Variants in ARHGAP31 observed in about 807,000 individuals in gnomAD.
The protein encoded by ARHGAP31 is rho GTPase-activating protein 31.
ARHGAP31 carries 34 observed loss-of-function variants against 113.9 expected under a neutral mutation model. That is an observed-to-expected ratio of 0.30 (90% CI 0.23 to 0.40). The LOEUF (loss-of-function observed/expected upper bound fraction) is 0.40. Ranked by LOEUF, ARHGAP31 falls within the 10% of genes least tolerant of loss-of-function variation. The pLI is 1.00. For missense variants in ARHGAP31, 1,548 were observed against 1,767.1 expected (o/e 0.88, Z 2.22); for synonymous variants, 650 against 684.8 (o/e 0.95, Z 0.79).
At chr3:119,329,872 T>G (rs998394587) in intron 1 of ARHGAP31, 1 of 985,376 alleles carries the variant, frequency 1.0e-6, no homozygotes, top group African/African-American at 1.7e-5. Context: ...AGCCTCATTG[T>G]GTGAGTCCTC....
At position 119,388,804 on chromosome 3, in the gene ARHGAP31, C is replaced by A. The variant is rs113755394; in HGVS notation, c.683-1981C>A. Among the ~76,000 whole-genome samples the A allele has an allele frequency of 1.4e-3, 212 of 152,216 alleles. 3 individuals are homozygous for A. The highest frequency in any genetic ancestry group is 5.0e-3 in the African/African-American group (206 of 41,528). On this transcript the variant is annotated intron_variant, in intron 6 of 11. Transcript: ENST00000264245. ...GACACAAAGAAGATGAGAGGAGGTA[C>A]CACAGTAGAGCAGAGGAGCACAGAT...
At chr3:119,354,538 G>A (rs1020060974) in intron 1 of ARHGAP31, among the ~76,000 whole-genome samples, 18 of 150,718 alleles carry the variant, frequency 1.2e-4, no homozygotes, top group African/African-American at 3.9e-4. Flanking sequence ...GCAGAGTTTC[G>A]CCCTTGTTGC....
intron 1 of ARHGAP31, among the ~76,000 whole-genome samples, chr3:119,333,753 C>T (rs369149362): frequency 3.7e-4 from 56 of 152,310 alleles, no homozygotes; most frequent in Non-Finnish European, 2.1e-4. Context: ...CGACTCTCAC[C>T]GTTTTATTCC....
intron 6 of ARHGAP31, 139 bp downstream of exon 6, chr3:119,383,365 G>A: frequency 8.8e-7 from 1 of 1,133,542 alleles, no homozygotes; most frequent in East Asian, 2.4e-5. Flanking sequence ...CTGTGTGTCA[G>A]TGTCTGAGGA....
At chr3:119,298,870 T>A in intron 1 of ARHGAP31, 1 of 226,536 alleles carries the variant, frequency 4.4e-6, no homozygotes, top group South Asian at 7.2e-5. Context: ...AAGTTGTATG[T>A]AAAGCTACAT....
At position 119,294,752 on chromosome 3, in the gene ARHGAP31, A is replaced by G; in HGVS notation, c.-153A>G. ...TGCCGGCCCGCGGCCCGCGGGGTCC[A>G]TGCGCAGGGCCCCCAGCCCAAGTTC... On this transcript the variant is annotated 5_prime_UTR_variant, in exon 1 of 12. An upstream start codon of the reference 5' UTR is lost. Transcript: ENST00000264245. 2 of 733,690 alleles carry G rather than the reference A, an allele frequency of 2.7e-6. No homozygotes were observed. Among genetic ancestry groups the G allele is most frequent in the Non-Finnish European group, 4.7e-6 (2 of 422,452 alleles). The allele number at this position is 733,690 out of a possible 1,614,324, so 45.4% of individuals were successfully genotyped here.
chr3:119,388,603 C>A (rs1267658371), intron 6 of ARHGAP31, among the ~76,000 whole-genome samples: 1 of 152,052 alleles, frequency 6.6e-6, no homozygotes, highest in South Asian at 2.1e-4. Flanking sequence ...CTACCAGCAT[C>A]TTAGCAGTGG....
intron 1 of ARHGAP31, among the ~76,000 whole-genome samples, chr3:119,339,595 C>T (rs979066881): frequency 1.4e-4 from 22 of 152,010 alleles, no homozygotes; most frequent in Non-Finnish European, 2.6e-4. Flanking sequence ...TAACTCCCTC[C>T]GACCCGCCGC....
At chr3:119,306,576 G>A (rs918199102) in intron 1 of ARHGAP31, among the ~76,000 whole-genome samples, 2 of 152,224 alleles carry the variant, frequency 1.3e-5, no homozygotes, top group Admixed American at 6.5e-5. Flanking sequence ...GTTTTCAAAC[G>A]GGTATTTGCA....
chr3:119,349,772 G>A (rs1468155731), intron 1 of ARHGAP31, among the ~76,000 whole-genome samples: 1 of 152,166 alleles, frequency 6.6e-6, no homozygotes, highest in African/African-American at 2.4e-5. Context: ...GTAGTCCTGA[G>A]AATTTGCAGG....
At chr3:119,372,826 T>C (rs1481385723) in intron 3 of ARHGAP31, among the ~76,000 whole-genome samples, 1 of 152,212 alleles carries the variant, frequency 6.6e-6, no homozygotes, top group Non-Finnish European at 1.5e-5. Flanking sequence ...GACTCTTGCC[T>C]GGGGTGGTAC....
chr3:119,401,703 C>A, intron 9 of ARHGAP31, 119 bp from the exon 10 acceptor site: 1 of 922,520 alleles, frequency 1.1e-6, no homozygotes, highest in South Asian at 1.4e-5. Flanking sequence ...GGCGGTTATG[C>A]CCCTGTTAGA....
At chr3:119,356,534 G>A (rs2080158726) in intron 1 of ARHGAP31, among the ~76,000 whole-genome samples, 1 of 152,000 alleles carries the variant, frequency 6.6e-6, no homozygotes, top group Non-Finnish European at 1.5e-5. Context: ...AGGAGGCTAA[G>A]GCAGGAGAAT....
chr3:119,358,956 G>C (rs1451854960), intron 1 of ARHGAP31, among the ~76,000 whole-genome samples: 1 of 151,876 alleles, frequency 6.6e-6, no homozygotes, highest in Non-Finnish European at 1.5e-5. Flanking sequence ...TCACTTAGTC[G>C]TACACTTTAA....
chr3:119,330,214 A>T (rs971001857), intron 1 of ARHGAP31, among the ~76,000 whole-genome samples: 3 of 152,190 alleles, frequency 2.0e-5, no homozygotes, highest in Admixed American at 1.3e-4. Flanking sequence ...GTGCCTCTTC[A>T]TATCTTTAGT....
At chr3:119,295,352 G>A (rs2079523703) in intron 1 of ARHGAP31, among the ~76,000 whole-genome samples, 1 of 151,824 alleles carries the variant, frequency 6.6e-6, no homozygotes, top group African/African-American at 2.4e-5. Flanking sequence ...GAGGGAGGAG[G>A]GGTGGACATG....
chr3:119,364,427 C>G (rs953081514), intron 1 of ARHGAP31, among the ~76,000 whole-genome samples: 13 of 152,072 alleles, frequency 8.5e-5, no homozygotes, highest in African/African-American at 2.9e-4. Context: ...GAATTGTAAG[C>G]ATCTTCCAAT....
At chr3:119,362,929 A>G (rs77952573) in intron 1 of ARHGAP31, among the ~76,000 whole-genome samples, 10,043 of 152,262 alleles carry the variant, frequency 0.066, 511 homozygotes, top group South Asian at 0.18. Flanking sequence ...ACAAGTAGAA[A>G]TAATATTGGT....
chr3:119,294,760 G>T lies in ARHGAP31; in HGVS notation c.-145G>T. 1 of 774,586 alleles carries T rather than the reference G, an allele frequency of 1.3e-6. No individual in the cohort carries two copies. The highest frequency in any genetic ancestry group is 1.5e-5 in the South Asian group (1 of 67,946). 48.0% of individuals were successfully genotyped at this position (774,586 alleles called of 1,614,324 possible). On this transcript the variant is annotated 5_prime_UTR_variant, in exon 1 of 12. Transcript: ENST00000264245. ...CGCGGCCCGCGGGGTCCATGCGCAG[G>T]GCCCCCAGCCCAAGTTCTTCCATCT...
Sources: allele counts gnomAD v4.1 joint callset (sites outside exome capture counted in the v4.1 genomes callset), GRCh38; gene constraint gnomAD v4.1.1; transcripts MANE v1.5; gene names NCBI Gene and HGNC (gene_info 2026-07-23, HGNC 2026-07-21).